Variants in GREM2 observed in about 807,000 individuals in gnomAD.
GREM2 encodes gremlin-2.
Under a neutral mutation model 14.2 loss-of-function variants are expected in GREM2, and 11 were observed. The observed-to-expected ratio is 0.78, with a 90% CI of 0.49 to 1.28. GREM2 has a LOEUF of 1.28. Among genes scored for constraint, GREM2 ranks in the 50% most tolerant of loss-of-function variants. The probability of loss-of-function intolerance (pLI) is 0.00; values close to 1 mark genes in which losing one functional copy is unlikely to be tolerated. For synonymous variants in GREM2, 98 were observed against 97.6 expected (o/e 1.00, Z -0.02); for missense variants, 210 against 218.5 (o/e 0.96, Z 0.24).
chr1:240,512,961 G>C (rs4269762), intron 1 of GREM2, among the ~76,000 whole-genome samples: 90,412 of 151,574 alleles, frequency 0.6, 28,737 homozygotes, highest in African/African-American at 0.83. Context: ...CAGGTGCAGT[G>C]GTGGGTACTA....
intron 1 of GREM2, among the ~76,000 whole-genome samples, chr1:240,577,067 T>G (rs1021558998): frequency 1.3e-5 from 2 of 152,224 alleles, no homozygotes; most frequent in African/African-American, 4.8e-5. Flanking sequence ...AAATTATTGT[T>G]TGTCTCTACT....
chr1:240,600,293 T>C (rs1204067150), intron 1 of GREM2, among the ~76,000 whole-genome samples: 2 of 152,100 alleles, frequency 1.3e-5, no homozygotes, highest in Admixed American at 6.5e-5. Flanking sequence ...ACATGTATCA[T>C]GGAGTGGAGA....
rs190023504 is a variant in GREM2 at position 240,597,459 on chromosome 1, C to A, written c.-2+14425G>T. ...AACAAGCACATAATCTCTTCTAGTA[C>A]GATACGTGCTCCACAGTCCCTGCTG... On this transcript the variant is annotated intron_variant, in intron 1 of 1. Coordinates refer to ENST00000318160, the MANE Select transcript of GREM2 (RefSeq NM_022469.4). 9.2e-5 allele frequency among the ~76,000 whole-genome samples: 14 copies of A among 152,322 alleles called. No individual in the cohort carries two copies. In the East Asian group the frequency reaches 2.7e-3, roughly 29 times the overall value.
Position 240,522,316 on chromosome 1 carries a change from C to G in GREM2, c.-1-28840G>C, listed in dbSNP as rs188201957. ...AATAACACTCTGGGCAAAGTCCTCC[C>G]CTGACAACAATGTATCTGGCTTCTG... On this transcript the variant is annotated intron_variant, in intron 1 of 1. Coordinates refer to ENST00000318160, the MANE Select transcript of GREM2 (RefSeq NM_022469.4). Among the ~76,000 whole-genome samples the G allele has an allele frequency of 2.3e-3, 348 of 152,200 alleles. 10 individuals are homozygous for G. The highest frequency in any genetic ancestry group is 0.022 in the Admixed American group (343 of 15,262).
chr1:240,562,709 G>A (rs761355151), intron 1 of GREM2, among the ~76,000 whole-genome samples: 354 of 43,302 alleles, frequency 8.2e-3, no homozygotes, highest in Non-Finnish European at 0.01. Context: ...CAGGATTGCC[G>A]TGTGTGTGTG....
intron 1 of GREM2, among the ~76,000 whole-genome samples, chr1:240,592,085 C>A (rs894156219): frequency 7.9e-5 from 12 of 152,140 alleles, no homozygotes; most frequent in Admixed American, 6.6e-4. Flanking sequence ...AGAGACACTC[C>A]ATCTTGGCAT....
At chr1:240,519,186 T>A (rs569477165) in intron 1 of GREM2, among the ~76,000 whole-genome samples, 1 of 152,324 alleles carries the variant, frequency 6.6e-6, no homozygotes, top group East Asian at 1.9e-4. Context: ...GTGATGTGTA[T>A]GGGACCATGT....
At chr1:240,552,850 A>G (rs1402894814) in intron 1 of GREM2, among the ~76,000 whole-genome samples, 3 of 152,206 alleles carry the variant, frequency 2.0e-5, no homozygotes, top group Non-Finnish European at 4.4e-5. Flanking sequence ...CATTCTTTCT[A>G]ATTATTAAGC....
intron 1 of GREM2, among the ~76,000 whole-genome samples, chr1:240,524,925 C>A (rs1444530545): frequency 6.6e-6 from 1 of 152,138 alleles, no homozygotes; most frequent in African/African-American, 2.4e-5. Context: ...AGCCCAGGGG[C>A]TTTGGGGTCA....
chr1:240,518,099 CA>C (rs1677990177), intron 1 of GREM2, among the ~76,000 whole-genome samples: 1 of 152,194 alleles, frequency 6.6e-6, no homozygotes, highest in Admixed American at 6.5e-5. Context: ...GTGAAGGCAA[CA>C]TCGTACGAAG....
In GREM2 at chr1:240,540,410, A is replaced by G. The variant is rs1452005079; in HGVS notation, c.-1-46934T>C. Among the ~76,000 whole-genome samples the G allele has an allele frequency of 6.6e-6, 1 of 152,158 alleles. No individual in the cohort carries two copies. The highest frequency in any genetic ancestry group is 1.5e-5 in the Non-Finnish European group (1 of 68,030). ...ATGGCTAGGACCAAGAAAACAAACAAAACAGGATCAGGGGATTTGTCCTTG... is the reference window on the plus strand; with the variant it reads ...ATGGCTAGGACCAAGAAAACAAACAGAACAGGATCAGGGGATTTGTCCTTG... On this transcript the variant is annotated intron_variant, in intron 1 of 1. Coordinates refer to ENST00000318160, the MANE Select transcript of GREM2 (RefSeq NM_022469.4). This position sits in a 1 kb window ranked among gnomAD's most constrained non-coding sequence, Gnocchi z 4.2.
intron 1 of GREM2, chr1:240,589,236 G>C (rs1679657394): frequency 6.6e-6 from 1 of 152,172 alleles, no homozygotes; most frequent in Non-Finnish European, 1.5e-5. Flanking sequence ...AAGAGTTAAA[G>C]ACCAGCCTGA....
intron 1 of GREM2, among the ~76,000 whole-genome samples, chr1:240,564,558 GAAGA>G (rs1679138873): frequency 6.6e-6 from 1 of 151,816 alleles, no homozygotes; most frequent in South Asian, 2.1e-4. Flanking sequence ...TTACTTGTTT[GAAGA>G]GAGATGATGA....
chr1:240,514,173 G>A (rs1425435411), intron 1 of GREM2, among the ~76,000 whole-genome samples: 6 of 148,322 alleles, frequency 4.0e-5, no homozygotes, highest in Non-Finnish European at 8.9e-5. Flanking sequence ...CTTGAACCCA[G>A]GAGGTGGAGG....
chr1:240,505,238 G>A (rs920662783), intron 1 of GREM2, among the ~76,000 whole-genome samples: 6 of 152,174 alleles, frequency 3.9e-5, no homozygotes, highest in East Asian at 1.9e-4. Flanking sequence ...AACATCATGC[G>A]TCCTGTGCAG....
intron 1 of GREM2, among the ~76,000 whole-genome samples, chr1:240,498,596 C>G (rs1316826155): frequency 6.6e-6 from 1 of 152,184 alleles, no homozygotes; most frequent in African/African-American, 2.4e-5. Context: ...TCTTGCTTGC[C>G]TCTGTCCGTT....
intron 1 of GREM2, among the ~76,000 whole-genome samples, chr1:240,507,772 G>A (rs186219719): frequency 1.5e-5 from 2 of 132,878 alleles, no homozygotes; most frequent in East Asian, 5.3e-4. Context: ...CTTGGTGGAA[G>A]AATTTCAGAG....
intron 1 of GREM2, among the ~76,000 whole-genome samples, chr1:240,570,103 T>A (rs1679231985): frequency 6.6e-6 from 1 of 152,182 alleles, no homozygotes. Context: ...CTTATTCGAT[T>A]TTCATAGACA....
chr1:240,520,117 T>TAAAATAAAATA (rs1284549816), intron 1 of GREM2, among the ~76,000 whole-genome samples: 66 of 151,966 alleles, frequency 4.3e-4, no homozygotes, highest in African/African-American at 1.4e-3. Context: ...TAAAATAAAA[T>TAAAATAAAATA]AGTCATCAAA....
Sources: gnomAD v4.1 joint callset for allele counts (sites outside exome capture counted in the v4.1 genomes callset) on GRCh38, gnomAD v4.1.1 for gene constraint, Gnocchi (gnomAD v3.1) non-coding constraint, MANE v1.5 for transcripts, NCBI Gene and HGNC (gene_info 2026-07-23, HGNC 2026-07-21) for gene names.